Variants in RNLS observed in about 807,000 individuals in gnomAD.
The protein encoded by RNLS is renalase, FAD dependent amine oxidase.
A neutral mutation model predicts 39.8 loss-of-function variants in RNLS; 39 were observed. The observed-to-expected ratio is 0.98, with a 90% CI of 0.76 to 1.28. The LOEUF is 1.28. RNLS is among the 50% of genes most tolerant of loss of function. The pLI is 0.00. For synonymous variants in RNLS, 147 were observed against 150.7 expected (o/e 0.98, Z 0.18); for missense variants, 410 against 413.3 (o/e 0.99, Z 0.07).
chr10:88,527,563 G>A (rs1008209054), intron 4 of RNLS, among the ~76,000 whole-genome samples: 3 of 152,116 alleles, frequency 2.0e-5, no homozygotes, highest in Admixed American at 6.5e-5. Flanking sequence ...TTCATACAAT[G>A]GAGCCATATA....
At chr10:88,266,810 C>T in the RNLS span, among the ~76,000 whole-genome samples, 3 of 151,370 alleles carry the variant, frequency 2.0e-5, no homozygotes, top group Admixed American at 2.0e-4. Flanking sequence ...CCAGCATGTA[C>T]ATCACTCAGA....
chr10:88,339,627 C>T (rs143549003), intron 5 of RNLS, among the ~76,000 whole-genome samples: 1 of 152,282 alleles, frequency 6.6e-6, no homozygotes, highest in Admixed American at 6.5e-5. Flanking sequence ...GTACCTGGCT[C>T]ACAGTGACCA....
At chr10:88,285,642 A>G (rs1843212052) in intron 6 of RNLS, 136 bp from the exon 7 acceptor site, 2 of 712,560 alleles carry the variant, frequency 2.8e-6, no homozygotes, top group Non-Finnish European at 4.6e-6. Context: ...AACAAAAAAA[A>G]TGCACACACA....
intron 4 of RNLS, among the ~76,000 whole-genome samples, chr10:88,455,261 A>AG (rs996992800): frequency 3.8e-5 from 4 of 105,140 alleles, no homozygotes; most frequent in South Asian, 2.9e-4. Flanking sequence ...ATCAAAGTAA[A>AG]GGGAAAAAAA....
chr10:88,171,710 C>G, the RNLS span, among the ~76,000 whole-genome samples: 25 of 152,284 alleles, frequency 1.6e-4, no homozygotes, highest in Admixed American at 9.8e-4. Flanking sequence ...ATCCTCTCTT[C>G]TGGCTATCTG....
intron 4 of RNLS, among the ~76,000 whole-genome samples, chr10:88,413,604 C>T (rs1396136708): frequency 6.6e-6 from 1 of 152,140 alleles, no homozygotes; most frequent in Non-Finnish European, 1.5e-5. Context: ...GTAGCTAGGT[C>T]CAAACTATTA....
intron 4 of RNLS, among the ~76,000 whole-genome samples, chr10:88,375,666 T>C (rs1466019266): frequency 6.6e-6 from 1 of 152,136 alleles, no homozygotes; most frequent in Non-Finnish European, 1.5e-5. Flanking sequence ...TTAGAAACAA[T>C]TTCACTGTGC....
chr10:88,301,377 C>T (rs551030687), intron 6 of RNLS, among the ~76,000 whole-genome samples: 76 of 152,250 alleles, frequency 5.0e-4, no homozygotes, highest in African/African-American at 1.6e-3. Flanking sequence ...GGCAATTACT[C>T]AACGCAATGC....
Position 88,487,493 on chromosome 10 carries a change from A to G in RNLS, c.526+85410T>C, listed in dbSNP as rs77203503. 9.5e-4 allele frequency among the ~76,000 whole-genome samples: 145 copies of G among 152,294 alleles called. 3 individuals carry two copies. The East Asian group carries it at 0.026, about 27-fold the overall frequency. On this transcript the variant is annotated intron_variant, in intron 4 of 6. Transcript: ENST00000331772. ...ACATGAAATAATGTTCTACATCATC[A>G]GTTATTACAGAAATATAAATTAAAA...
chr10:88,295,402 A>G (rs961669802), intron 6 of RNLS, among the ~76,000 whole-genome samples: 6 of 152,102 alleles, frequency 3.9e-5, no homozygotes, highest in Admixed American at 2.6e-4. Flanking sequence ...TCCTGCAGAG[A>G]TGGTACATTT....
intron 4 of RNLS, among the ~76,000 whole-genome samples, chr10:88,452,980 ACAGG>A (rs1842439666): frequency 6.6e-6 from 1 of 152,186 alleles, no homozygotes; most frequent in Non-Finnish European, 1.5e-5. Flanking sequence ...AGCCACCTAA[ACAGG>A]CAGAGGTGCT....
intron 4 of RNLS, among the ~76,000 whole-genome samples, chr10:88,495,598 G>A (rs183145503): frequency 1.3e-5 from 2 of 152,144 alleles, no homozygotes; most frequent in Admixed American, 6.6e-5. Flanking sequence ...CTACCAGTGG[G>A]GGATGAGAGA....
chr10:88,236,510 TGAG>T, the RNLS span, among the ~76,000 whole-genome samples: 1 of 152,124 alleles, frequency 6.6e-6, no homozygotes, highest in Non-Finnish European at 1.5e-5. Context: ...CCAGATATAA[TGAG>T]GAGGGTGGTA....
At chr10:88,172,833 T>C in the RNLS span, among the ~76,000 whole-genome samples, 3 of 140,746 alleles carry the variant, frequency 2.1e-5, no homozygotes, top group South Asian at 2.3e-4. Flanking sequence ...CTTCTGTGCA[T>C]TTTGAGTTGT....
chr10:88,399,912 G>C (rs1852808154), intron 4 of RNLS, among the ~76,000 whole-genome samples: 1 of 152,032 alleles, frequency 6.6e-6, no homozygotes, highest in Non-Finnish European at 1.5e-5. Context: ...CACTGTCCCA[G>C]AAGGATCTAA....
At chr10:88,412,828 A>C (rs1327464450) in intron 4 of RNLS, among the ~76,000 whole-genome samples, 2 of 152,226 alleles carry the variant, frequency 1.3e-5, no homozygotes, top group African/African-American at 4.8e-5. Context: ...AGTAAAGGGT[A>C]GTTACCCCTG....
At chr10:88,175,370 G>T in the RNLS span, among the ~76,000 whole-genome samples, 1 of 151,938 alleles carries the variant, frequency 6.6e-6, no homozygotes, top group African/African-American at 2.4e-5. Context: ...CTTTTTTGAT[G>T]TAGGCATTTA....
chr10:88,426,483 G>A (rs1360642291), intron 4 of RNLS, among the ~76,000 whole-genome samples: 1 of 151,544 alleles, frequency 6.6e-6, no homozygotes, highest in African/African-American at 2.4e-5. Context: ...GGAGATACAG[G>A]GAAAAAAAAT....
intron 4 of RNLS, among the ~76,000 whole-genome samples, chr10:88,546,851 C>A (rs1452139163): frequency 6.6e-6 from 1 of 151,242 alleles, no homozygotes; most frequent in East Asian, 1.9e-4. Context: ...AACAATACTA[C>A]TTCAAAGGCA....
Sources: gnomAD v4.1 joint callset for allele counts (sites outside exome capture counted in the v4.1 genomes callset) on GRCh38, gnomAD v4.1.1 for gene constraint, MANE v1.5 for transcripts, NCBI Gene and HGNC (gene_info 2026-07-23, HGNC 2026-07-21) for gene names.